UBE3A: variants seen among roughly 807,000 people sequenced by gnomAD.
UBE3A encodes the protein ubiquitin-protein ligase E3A.
In UBE3A, 6 loss-of-function variants were observed where a neutral mutation model predicts 83.4. The ratio of observed to expected loss-of-function variants is 0.07; its 90% CI spans 0.04 to 0.14. The LOEUF (loss-of-function observed/expected upper bound fraction) is 0.14, where lower values mean the gene tolerates loss of function less well. Ranked by LOEUF, UBE3A falls within the 10% of genes least tolerant of loss-of-function variation. The pLI, the probability that UBE3A is intolerant of heterozygous loss-of-function variation, is 1.00. For synonymous variants in UBE3A, 337 were observed against 355.4 expected, an observed-to-expected ratio of 0.95 and a Z score of 0.58; for missense variants, 456 against 1,036.1, an observed-to-expected ratio of 0.44 and a Z score of 7.69.
intron 4 of UBE3A, chr15:25,393,887 G>A (rs1235959636): frequency 1.3e-5 from 2 of 152,136 alleles, no homozygotes; most frequent in South Asian, 2.1e-4. Flanking sequence ...GGGCCTTAGC[G>A]TGCTCCTGGC....
In UBE3A at chr15:25,334,746, T is replaced by C. The variant is rs1197768080; in HGVS notation, c.*4391A>G. 3.9e-5 allele frequency: 6 copies of C among 152,238 alleles called. No individual in the cohort carries two copies. Among genetic ancestry groups the C allele is most frequent in the East Asian group, 1.9e-4 (1 of 5,198 alleles). The allele number at this position is 152,238 out of a possible 1,614,324, so 9.4% of individuals were successfully genotyped here. On this transcript the variant is annotated 3_prime_UTR_variant, in exon 13 of 13. Transcript: ENST00000648336. The stretch of plus-strand genomic sequence containing the variant: ...AAGACTGAGAATCCAGAAAGTCTTA[T>C]ATTTATGGTCAACTGTTCTTTGACA...
chr15:25,388,679 A>G (rs1226648810), intron 4 of UBE3A, among the ~76,000 whole-genome samples: 1 of 152,196 alleles, frequency 6.6e-6, no homozygotes, highest in Non-Finnish European at 1.5e-5. Context: ...AGATGAAATG[A>G]CTATATGTGT....
At chr15:25,345,807 A>G (rs567298128) in intron 11 of UBE3A, 89 of 152,304 alleles carry the variant, frequency 5.8e-4, no homozygotes, top group African/African-American at 2.1e-3. Context: ...GGTAACTGAA[A>G]AAAAGGAAGA....
At chr15:25,366,179 C>A (rs991226507) in intron 6 of UBE3A, among the ~76,000 whole-genome samples, 3 of 152,124 alleles carry the variant, frequency 2.0e-5, no homozygotes, top group Non-Finnish European at 4.4e-5. Flanking sequence ...TTCTTGGTTT[C>A]ATTTTTGATT....
chr15:25,409,891 G>A (rs1596299967), intron 2 of UBE3A, among the ~76,000 whole-genome samples: 1 of 151,268 alleles, frequency 6.6e-6, no homozygotes, highest in African/African-American at 2.4e-5. Flanking sequence ...TGTACGTAAA[G>A]TCATTTAACA....
rs925705020 is a variant in UBE3A at position 25,335,242 on chromosome 15, G to A, written c.*3895C>T. The A allele has an allele frequency of 6.6e-6, 1 of 152,206 alleles. No individual in the cohort carries two copies. The highest frequency in any genetic ancestry group is 2.4e-5 in the African/African-American group (1 of 41,432). The allele number at this position is 152,206 out of a possible 1,614,324, so 9.4% of individuals were successfully genotyped here. Reference sequence around the variant, plus strand: ...GGGGGTTGATGAAGTCTTCATGGATGAGGTACTTTAAATATCTGGTCATGA... The same window carrying A: ...GGGGGTTGATGAAGTCTTCATGGATAAGGTACTTTAAATATCTGGTCATGA... On this transcript the variant is annotated 3_prime_UTR_variant, in exon 13 of 13. Transcript: ENST00000648336.
rs557887146 is a variant in UBE3A, at chr15:25,352,121, GGA to G, written c.2354+2230_2354+2231del. 3.9e-5 allele frequency among the ~76,000 whole-genome samples: 6 copies of G among 152,258 alleles called. No individual in the cohort carries two copies. The East Asian group carries it at 1.2e-3, about 29-fold the overall frequency. ...GAGGCAGGAGAATCACTTGAACCCA[GGA>G]AGCGGAGGTTGCAGTGAACTGAGAC... On this transcript the variant is annotated intron_variant, in intron 11 of 12. Coordinates refer to ENST00000648336, the MANE Select transcript of UBE3A (RefSeq NM_130839.5).
chr15:25,432,618 A>T (rs1025831081), intron 1 of UBE3A, among the ~76,000 whole-genome samples: 4 of 152,112 alleles, frequency 2.6e-5, no homozygotes, highest in African/African-American at 7.2e-5. Context: ...GGGTCAAAAA[A>T]TTTTTCTCAT....
At chr15:25,367,250 C>T (rs1359930252) in intron 6 of UBE3A, among the ~76,000 whole-genome samples, 6 of 71,752 alleles carry the variant, frequency 8.4e-5, no homozygotes, top group Middle Eastern at 8.5e-3. Flanking sequence ...TAAATATTTG[C>T]ATATTTGTAA....
rs765813410 is a variant in UBE3A at position 25,370,864 on chromosome 15, C to T, written c.1310G>A (p.Arg437Gln). ...TELGVKTLDC[R>Q]KPLIPFEEFI... ...CTCTTCAAAAGGGATAAGTGGTTTT[C>T]GACAATCCAGGGTTTTAACACCAAG... Residue 437 changes from arginine to glutamine, a missense_variant, in exon 6 of 13, where the codon CGA becomes CAA. Arg to Gln is a conservative substitution (Grantham distance 43, BLOSUM62 1). This residue lies in a region of UBE3A where 85 missense variants were observed against 137.0 expected (regional missense o/e 0.62). Coordinates refer to ENST00000648336, the MANE Select transcript of UBE3A (RefSeq NM_130839.5). This position sits in a 1 kb window ranked among gnomAD's most constrained non-coding sequence, Gnocchi z 4.2. 11 of 1,613,908 alleles carry T rather than the reference C, an allele frequency of 6.8e-6. No individual in the cohort carries two copies. Among genetic ancestry groups the T allele is most frequent in the African/African-American group, 1.3e-5 (1 of 74,900 alleles).
chr15:25,375,410 A>C, intron 5 of UBE3A, 55 bp downstream of exon 5: 4 of 1,582,062 alleles, frequency 2.5e-6, no homozygotes, highest in Non-Finnish European at 1.7e-6. Context: ...AATACATTTA[A>C]ATCTCCCACA....
rs951242202 is a variant in UBE3A, at chr15:25,340,895, G to A, written c.2355-667C>T. ...TTTCTGCCACCTGCAGTTATTTTAA[G>A]AGAATGATTTATCCTGTGGCATTCC... On this transcript the variant is annotated intron_variant, in intron 11 of 12. Transcript: ENST00000648336. 5.9e-5 allele frequency among the ~76,000 whole-genome samples: 9 copies of A among 152,254 alleles called. No individual in the cohort carries two copies. In the South Asian group the frequency reaches 1.0e-3, roughly 18 times the overall value.
At chr15:25,408,428 A>G (rs951137513) in intron 3 of UBE3A, 1 of 751,326 alleles carries the variant, frequency 1.3e-6, no homozygotes, top group Non-Finnish European at 2.2e-6. Context: ...AGGTTATCCT[A>G]AAGTGTGTCA....
rs536323799 is a variant in UBE3A, at chr15:25,338,185, A to T, written c.*952T>A. The T allele has an allele frequency of 3.9e-5, 6 of 152,268 alleles. No individual in the cohort carries two copies. The East Asian group carries it at 1.2e-3, about 29-fold the overall frequency. The allele number at this position is 152,268 out of a possible 1,614,324, so 9.4% of individuals were successfully genotyped here. A position where few individuals can be genotyped will look rare whatever the true frequency, so the allele number is the denominator to read the frequency against. On this transcript the variant is annotated 3_prime_UTR_variant, in exon 13 of 13. Coordinates refer to ENST00000648336, the MANE Select transcript of UBE3A (RefSeq NM_130839.5). ...TAGGTAATAAGTAAGTAATTAATAA[A>T]AACTCTATCTTAAGTGCACTTTCAC... is the stretch of plus-strand genomic sequence containing the variant.
chr15:25,430,879 TAA>T (rs1893254483), intron 1 of UBE3A, among the ~76,000 whole-genome samples: 1 of 152,120 alleles, frequency 6.6e-6, no homozygotes, highest in Non-Finnish European at 1.5e-5. Flanking sequence ...TCATTCAGCC[TAA>T]AAGAGGGAAT....
intron 4 of UBE3A, among the ~76,000 whole-genome samples, chr15:25,396,896 C>G (rs2085705090): frequency 1.3e-5 from 2 of 152,014 alleles, no homozygotes; most frequent in Non-Finnish European, 2.9e-5. Context: ...AAGATGCATT[C>G]AAGGCGTTAC....
chr15:25,339,982 A>C (rs1187641894), intron 12 of UBE3A, 103 bp downstream of exon 12: 49 of 1,463,230 alleles, frequency 3.3e-5, no homozygotes, highest in Middle Eastern at 2.1e-4. Flanking sequence ...TTTGTATATA[A>C]AATCACGAAT....
Position 25,348,613 on chromosome 15 carries a change from A to C in UBE3A, c.2354+5740T>G, listed in dbSNP as rs142135993. Among the ~76,000 whole-genome samples the C allele has an allele frequency of 6.3e-3, 952 of 152,298 alleles. 16 individuals are homozygous for C. Among genetic ancestry groups the C allele is most frequent in the Middle Eastern group, 0.01 (3 of 294 alleles). On this transcript the variant is annotated intron_variant, in intron 11 of 12. Coordinates refer to ENST00000648336, the MANE Select transcript of UBE3A (RefSeq NM_130839.5). Reference sequence around the variant, plus strand: ...TACTAAATAACTACTAGAATAAGTCAATTTAGAAAGGTTATAGGATATAAG... The same window carrying C: ...TACTAAATAACTACTAGAATAAGTCCATTTAGAAAGGTTATAGGATATAAG...
chr15:25,357,140 T>A (rs371335486), intron 7 of UBE3A, among the ~76,000 whole-genome samples: 1 of 152,126 alleles, frequency 6.6e-6, no homozygotes, highest in African/African-American at 2.4e-5. Context: ...TAGTAAGTAA[T>A]TTGGTGGCAT....
Sources: gnomAD v4.1 joint callset for allele counts (sites outside exome capture counted in the v4.1 genomes callset) on GRCh38, gnomAD v4.1.1 for gene constraint, gnomAD v4.1.1 regional missense constraint, Gnocchi (gnomAD v3.1) non-coding constraint, MANE v1.5 for transcripts, NCBI Gene and HGNC (gene_info 2026-07-23, HGNC 2026-07-21) for gene names.